Variants in SNX24 observed in about 807,000 individuals in gnomAD.
The protein encoded by SNX24 is sorting nexin-24.
In SNX24, 22 loss-of-function variants were observed where a neutral mutation model predicts 28.7. That is an observed-to-expected ratio of 0.77 (90% confidence interval 0.55 to 1.10). The LOEUF is 1.10. SNX24 is among the 50% of genes least tolerant of loss of function. The pLI, the probability that SNX24 is intolerant of heterozygous loss-of-function variation, is 0.00. For missense variants in SNX24, 221 were observed against 201.1 expected, an observed-to-expected ratio of 1.10 and a Z score of -0.60; for synonymous variants, 69 against 71.5, an observed-to-expected ratio of 0.96 and a Z score of 0.18.
intron 6 of SNX24, among the ~76,000 whole-genome samples, chr5:123,005,638 A>T (rs1762398635): frequency 6.6e-6 from 1 of 152,204 alleles, no homozygotes; most frequent in South Asian, 2.1e-4. Flanking sequence ...CGACTTCTAT[A>T]TTGTGAGTGG....
chr5:122,926,501 C>T (rs1561607470), intron 1 of SNX24, among the ~76,000 whole-genome samples: 1 of 152,156 alleles, frequency 6.6e-6, no homozygotes, highest in Non-Finnish European at 1.5e-5. Context: ...GGCAAAAACA[C>T]TGGCTCATGT....
intron 1 of SNX24, among the ~76,000 whole-genome samples, chr5:122,875,591 A>T (rs1581694875): frequency 1.3e-5 from 2 of 152,208 alleles, no homozygotes; most frequent in Admixed American, 1.3e-4. Context: ...TGTAATGGAG[A>T]TAATAAATGA....
intron 1 of SNX24, among the ~76,000 whole-genome samples, chr5:122,934,494 G>T (rs563846474): frequency 6.6e-6 from 1 of 152,024 alleles, no homozygotes; most frequent in Non-Finnish European, 1.5e-5. Flanking sequence ...CAAGCAGCTG[G>T]ATCTACAGGC....
At chr5:122,890,443 G>C (rs1418159797) in intron 1 of SNX24, among the ~76,000 whole-genome samples, 3 of 147,626 alleles carry the variant, frequency 2.0e-5, no homozygotes, top group African/African-American at 7.5e-5. Context: ...TTCCTTCTCT[G>C]TAAGGAAAAG....
chr5:122,969,885 C>G (rs1211155424), intron 3 of SNX24, among the ~76,000 whole-genome samples: 6 of 152,096 alleles, frequency 3.9e-5, no homozygotes, highest in Non-Finnish European at 8.8e-5. Flanking sequence ...TTCTTTGTCT[C>G]TGCACCACCC....
chr5:122,954,449 C>T (rs905502361), intron 3 of SNX24, among the ~76,000 whole-genome samples: 2 of 151,686 alleles, frequency 1.3e-5, no homozygotes, highest in Admixed American at 6.6e-5. Context: ...GTTCAGCCAT[C>T]GGTGCTATCA....
At chr5:122,965,566 C>T (rs567643691) in intron 3 of SNX24, 3 of 416,858 alleles carry the variant, frequency 7.2e-6, no homozygotes, top group African/African-American at 6.1e-5. Context: ...TGCCACTTAC[C>T]TATACAAGAG....
intron 5 of SNX24, chr5:123,023,805 A>G: frequency 8.1e-7 from 1 of 1,236,708 alleles, no homozygotes; most frequent in East Asian, 2.5e-5. Context: ...GAAAGACAAC[A>G]CAACACACAC....
downstream of SNX24, chr5:123,009,317 A>G (rs417268): frequency 0.27 from 156,250 of 586,884 alleles, 23,546 homozygotes; most frequent in Non-Finnish European, 0.3. Flanking sequence ...ATTCACATAG[A>G]TGTTTATTTC....
intron 1 of SNX24, among the ~76,000 whole-genome samples, chr5:122,894,829 C>T (rs1368099842): frequency 6.6e-6 from 1 of 152,116 alleles, no homozygotes; most frequent in Non-Finnish European, 1.5e-5. Context: ...TGCACATTCT[C>T]ATAGAAGTGG....
In SNX24 at chr5:122,905,052, C is replaced by T. The variant is rs556984800; in HGVS notation, c.61-31682C>T. Reference sequence around the variant, plus strand: ...TCCATTCAGAAAAGTTCTTCAAGTCCTTAATGTCCTCAGTGAAAGTATGTT... The same window carrying T: ...TCCATTCAGAAAAGTTCTTCAAGTCTTTAATGTCCTCAGTGAAAGTATGTT... On this transcript the variant is annotated intron_variant, in intron 1 of 6. Transcript: ENST00000261369. Among the ~76,000 whole-genome samples, 5 of 152,316 alleles carry T rather than the reference C, an allele frequency of 3.3e-5. No individual in the cohort carries two copies. In the East Asian group the frequency reaches 9.6e-4, roughly 29 times the overall value.
chr5:123,009,822 C>A (rs952858090), downstream of SNX24, among the ~76,000 whole-genome samples: 8 of 152,184 alleles, frequency 5.3e-5, no homozygotes, highest in African/African-American at 1.9e-4. Flanking sequence ...CAGAATGCCC[C>A]AGCAACTTCT....
chr5:122,874,929 T>C (rs936565688), intron 1 of SNX24, among the ~76,000 whole-genome samples: 5 of 152,346 alleles, frequency 3.3e-5, no homozygotes, highest in African/African-American at 9.6e-5. Context: ...TAACACATAA[T>C]TGGTTCAGTA....
At chr5:122,917,831 A>G (rs1561594369) in intron 1 of SNX24, among the ~76,000 whole-genome samples, 1 of 152,196 alleles carries the variant, frequency 6.6e-6, no homozygotes, top group Non-Finnish European at 1.5e-5. Flanking sequence ...CTGTAATCCC[A>G]GCATTTTGGG....
chr5:123,018,555 GAAACGTACCTGA>G (rs1762718393), intron 5 of SNX24, among the ~76,000 whole-genome samples: 1 of 152,142 alleles, frequency 6.6e-6, no homozygotes. Flanking sequence ...AATGGGGGTG[GAAACGTACCTGA>G]AAACGTACCT....
intron 5 of SNX24, chr5:123,023,807 AACACACAC>A (rs70988555): frequency 5.2e-5 from 67 of 1,294,830 alleles, no homozygotes; most frequent in Admixed American, 1.8e-4. Context: ...AAGACAACAC[AACACACAC>A]ACACACACAC....
chr5:122,881,055 G>A (rs1756458538), intron 1 of SNX24, among the ~76,000 whole-genome samples: 1 of 152,168 alleles, frequency 6.6e-6, no homozygotes, highest in Admixed American at 6.5e-5. Flanking sequence ...AATTTTAATA[G>A]ATTCTGATGG....
rs555850667 is a variant in SNX24, at chr5:122,894,972, A to G, written c.61-41762A>G. Among the ~76,000 whole-genome samples, 224 of 133,680 alleles carry G rather than the reference A, an allele frequency of 1.7e-3. 1 individual carries two copies. Among genetic ancestry groups the G allele is most frequent in the African/African-American group, 6.5e-3 (221 of 34,234 alleles). 87.7% of individuals were successfully genotyped at this position (133,680 alleles called of 152,430 possible). ...TAAATTTATTGAGCTACAAATGCTA[A>G]GTTTCAGTAAATCACTTCATTTTAG... On this transcript the variant is annotated intron_variant, in intron 1 of 6. Coordinates refer to ENST00000261369, the MANE Select transcript of SNX24 (RefSeq NM_014035.4).
In SNX24 at chr5:123,007,827, T is replaced by C. The variant is rs377573843; in HGVS notation, c.*78T>C. On this transcript the variant is annotated 3_prime_UTR_variant, in exon 7 of 7. Transcript: ENST00000261369. The stretch of plus-strand genomic sequence containing the variant: ...GAAATCAATACCTACCAATTTAACC[T>C]AAACGCTATGATATATAACAGCTCT... 6.4e-7 allele frequency: 1 copy of C among 1,564,138 alleles called. No individual in the cohort carries two copies. The highest frequency in any genetic ancestry group is 8.6e-7 in the Non-Finnish European group (1 of 1,162,982).
Sources: gnomAD v4.1 joint callset for allele counts (sites outside exome capture counted in the v4.1 genomes callset) on GRCh38, gnomAD v4.1.1 for gene constraint, MANE v1.5 for transcripts, NCBI Gene and HGNC (gene_info 2026-07-23, HGNC 2026-07-21) for gene names.